COX6C: variants seen among roughly 807,000 people sequenced by gnomAD.
The protein encoded by COX6C is cytochrome c oxidase polypeptide VIc.
In COX6C, 3 loss-of-function variants were observed where a neutral mutation model predicts 6.9. The observed-to-expected ratio is 0.43, with a 90% CI of 0.20 to 1.12. The LOEUF is 1.12. Ranked by LOEUF, COX6C falls within the 50% of genes most tolerant of loss-of-function variation. The probability of loss-of-function intolerance (pLI) is 0.27; values close to 1 mark genes in which losing one functional copy is unlikely to be tolerated. For synonymous variants in COX6C, 32 were observed against 32.0 expected (o/e 1.00, Z 0.00); for missense variants, 101 against 97.3 (o/e 1.04, Z -0.16).
At chr8:99,889,701 T>C (rs1172895278) in intron 2 of COX6C, among the ~76,000 whole-genome samples, 1 of 151,824 alleles carries the variant, frequency 6.6e-6, no homozygotes, top group Non-Finnish European at 1.5e-5. Flanking sequence ...CCTCCCAATC[T>C]TGGCTGACAC....
At chr8:99,884,257 G>A (rs1588827216) in intron 3 of COX6C, among the ~76,000 whole-genome samples, 1 of 152,034 alleles carries the variant, frequency 6.6e-6, no homozygotes, top group Non-Finnish European at 1.5e-5. Flanking sequence ...TAACACACAA[G>A]TGTCAGAATA....
chr8:99,891,237 A>G (rs749366856), intron 2 of COX6C, among the ~76,000 whole-genome samples: 47 of 152,198 alleles, frequency 3.1e-4, no homozygotes, highest in Non-Finnish European at 4.6e-4. Context: ...CCCTAATCCA[A>G]TATGAGTGAT....
chr8:99,887,963 C>T (rs139149028), intron 2 of COX6C, among the ~76,000 whole-genome samples: 292 of 151,468 alleles, frequency 1.9e-3, no homozygotes, highest in African/African-American at 6.7e-3. Context: ...GATGGGGTCT[C>T]GCCTGTAGTC....
At chr8:99,885,870 A>G (rs1817936505) in intron 3 of COX6C, 1 of 152,244 alleles carries the variant, frequency 6.6e-6, no homozygotes, top group Admixed American at 6.5e-5. Flanking sequence ...TACAAATCAT[A>G]TCTGATAAGG....
Position 99,890,921 on chromosome 8 carries a change from TAA to T in COX6C, c.114+985_114+986del, listed in dbSNP as rs1374530918. Among the ~76,000 whole-genome samples, 7 of 152,268 alleles carry T rather than the reference TAA, an allele frequency of 4.6e-5. No individual in the cohort carries two copies. In the South Asian group the frequency reaches 1.4e-3, roughly 32 times the overall value. ...TTCCACACTCATGGATTCAAAATAA[TAA>T]AAAATGCTACAAAATTAAAAATACA... On this transcript the variant is annotated intron_variant, in intron 2 of 3. Transcript: ENST00000520468.
chr8:99,892,488 T>G (rs1224554270), intron 1 of COX6C, among the ~76,000 whole-genome samples: 1 of 152,174 alleles, frequency 6.6e-6, no homozygotes, highest in African/African-American at 2.4e-5. Flanking sequence ...CCTGCATACC[T>G]CATGTAGCTC....
intron 3 of COX6C, 189 bp downstream of exon 3, chr8:99,887,301 G>C: frequency 2.3e-6 from 1 of 427,498 alleles, no homozygotes; most frequent in South Asian, 3.6e-5. Context: ...CAAAAGTATT[G>C]TGCCACTTAT....
intron 3 of COX6C, among the ~76,000 whole-genome samples, chr8:99,879,402 G>A (rs1135382): frequency 0.24 from 36,316 of 151,970 alleles, 5,299 homozygotes; most frequent in African/African-American, 0.41. Context: ...TGTAACATTC[G>A]TAATGCCAAT....
intron 3 of COX6C, among the ~76,000 whole-genome samples, chr8:99,886,635 T>C (rs1450392054): frequency 6.6e-6 from 1 of 152,036 alleles, no homozygotes; most frequent in African/African-American, 2.4e-5. Flanking sequence ...GATGAATGGA[T>C]AACAATGTGA....
At chr8:99,891,506 T>G (rs1818031569) in intron 2 of COX6C, among the ~76,000 whole-genome samples, 1 of 145,302 alleles carries the variant, frequency 6.9e-6, no homozygotes, top group African/African-American at 2.6e-5. Context: ...GGAAAGAAAA[T>G]GAAAAGAAGG....
rs1401474576 is a variant in COX6C, at chr8:99,883,255, T to C, written c.*15+4235A>G. On this transcript the variant is annotated intron_variant, in intron 3 of 3. Transcript: ENST00000520468. ...TGAGACAGGGTCTCATATTCTGTTA[T>C]CCAGGATGGAGTGCAGTGGTGTGAT... Among the ~76,000 whole-genome samples, 6 of 151,926 alleles carry C rather than the reference T, an allele frequency of 3.9e-5. No individual in the cohort carries two copies. The East Asian group carries it at 9.7e-4, about 25-fold the overall frequency.
At chr8:99,890,036 C>T (rs2131010780) in intron 2 of COX6C, among the ~76,000 whole-genome samples, 1 of 151,882 alleles carries the variant, frequency 6.6e-6, no homozygotes, top group South Asian at 2.1e-4. Flanking sequence ...GGAGCTTGCA[C>T]TGAGCTGAGT....
chr8:99,885,991 A>G (rs780787046), intron 3 of COX6C: 3 of 152,252 alleles, frequency 2.0e-5, no homozygotes, highest in Non-Finnish European at 4.4e-5. Context: ...ACAAATGGCC[A>G]ATAAGTACAT....
At chr8:99,890,144 G>A (rs1469602681) in intron 2 of COX6C, among the ~76,000 whole-genome samples, 2 of 151,806 alleles carry the variant, frequency 1.3e-5, no homozygotes, top group African/African-American at 2.4e-5. Flanking sequence ...TTGTATTTTA[G>A]TAGAGACGTA....
rs986960518 is a variant in COX6C, at chr8:99,893,686, T to C, written c.-79A>G. The C allele has an allele frequency of 3.3e-5, 5 of 152,318 alleles. No homozygotes were observed. Among genetic ancestry groups the C allele is most frequent in the South Asian group, 2.1e-4 (1 of 4,832 alleles). The allele number at this position is 152,318 out of a possible 1,614,324, so 9.4% of individuals were successfully genotyped here. ...ACTAAAGGAAAAACGAACCGTGCTG[T>C]AGCCGCGCGCAGGCGCAGAATAAGA... On this transcript the variant is annotated 5_prime_UTR_variant, in exon 1 of 4. Transcript: ENST00000520468.
chr8:99,883,433 A>ATGTGTG (rs1272786254), intron 3 of COX6C, among the ~76,000 whole-genome samples: 1 of 145,670 alleles, frequency 6.9e-6, no homozygotes, highest in African/African-American at 2.6e-5. Context: ...GTATATATGT[A>ATGTGTG]TGTGTGTGTG....
intron 3 of COX6C, among the ~76,000 whole-genome samples, chr8:99,881,472 A>G (rs1268790307): frequency 6.6e-6 from 1 of 152,240 alleles, no homozygotes; most frequent in East Asian, 1.9e-4. Flanking sequence ...GATACATAAT[A>G]TATAAACACA....
chr8:99,887,983 C>G (rs954648256), intron 2 of COX6C, among the ~76,000 whole-genome samples: 1 of 150,496 alleles, frequency 6.6e-6, no homozygotes, highest in Non-Finnish European at 1.5e-5. Context: ...CCCAGCTACT[C>G]GGGAGGCTGA....
chr8:99,889,435 G>A (rs13259051), intron 2 of COX6C, among the ~76,000 whole-genome samples: 31,664 of 149,792 alleles, frequency 0.21, 3,748 homozygotes, highest in African/African-American at 0.32. Flanking sequence ...GCCCAGGCTG[G>A]AGTGTAATGG....
Sources: gnomAD v4.1 joint callset for allele counts (sites outside exome capture counted in the v4.1 genomes callset) on GRCh38, gnomAD v4.1.1 for gene constraint, MANE v1.5 for transcripts, NCBI Gene and HGNC (gene_info 2026-07-23, HGNC 2026-07-21) for gene names.